FBXO28: variants seen among roughly 807,000 people sequenced by gnomAD.
The protein encoded by FBXO28 is F-box protein 28, also known as F-box only protein 28.
A neutral mutation model predicts 38.1 loss-of-function variants in FBXO28; 8 were observed. That is an observed-to-expected ratio of 0.21 (90% CI 0.12 to 0.38). The LOEUF (loss-of-function observed/expected upper bound fraction) is 0.38. Ranked by LOEUF, FBXO28 falls within the 10% of genes least tolerant of loss-of-function variation. The pLI is 1.00. For synonymous variants in FBXO28, 168 were observed against 173.8 expected, an observed-to-expected ratio of 0.97 and a Z score of 0.26; for missense variants, 345 against 460.6, an observed-to-expected ratio of 0.75 and a Z score of 2.30.
intron 1 of FBXO28, among the ~76,000 whole-genome samples, chr1:224,115,153 T>C (rs1342347987): frequency 1.3e-5 from 2 of 152,236 alleles, no homozygotes; most frequent in Non-Finnish European, 1.5e-5. Flanking sequence ...GGTTTCTTTA[T>C]ACCTTAAAAT....
intron 1 of FBXO28, among the ~76,000 whole-genome samples, chr1:224,122,249 CATT>C (rs1246009288): frequency 6.6e-6 from 1 of 152,164 alleles, no homozygotes; most frequent in African/African-American, 2.4e-5. Flanking sequence ...TTTCGTCCAT[CATT>C]AACTTTTTGC....
intron 1 of FBXO28, among the ~76,000 whole-genome samples, chr1:224,123,082 A>C: frequency 6.6e-6 from 1 of 151,298 alleles, no homozygotes; most frequent in East Asian, 1.9e-4. Context: ...TCTCACTTTA[A>C]AAAAAAAGGA....
intron 3 of FBXO28, among the ~76,000 whole-genome samples, chr1:224,135,630 A>AAAAAAAAAAAAAAAAAAAG (rs1553290016): frequency 8.6e-6 from 1 of 115,786 alleles, no homozygotes; most frequent in African/African-American, 3.3e-5. Context: ...AAAAAAAAAA[A>AAAAAAAAAAAAAAAAAAAG]AAAAAGAAAA....
rs1656681156 is a variant in FBXO28 at position 224,117,990 on chromosome 1, TTAA to T, written c.267+3596_267+3598del. 1.2e-4 allele frequency among the ~76,000 whole-genome samples: 9 copies of T among 77,400 alleles called. No homozygotes were observed. The South Asian group carries it at 3.6e-3, about 31-fold the overall frequency. 50.8% of individuals were successfully genotyped at this position (77,400 alleles called of 152,430 possible). On this transcript the variant is annotated intron_variant, in intron 1 of 4. Coordinates refer to ENST00000366862, the MANE Select transcript of FBXO28 (RefSeq NM_015176.4). ...AAAACAAGTATAGGGAGCTTTTTAATTAATTAATTAATTTATTTATTTATTTAT... is the reference window on the plus strand; with the variant it reads ...AAAACAAGTATAGGGAGCTTTTTAATTTAATTAATTTATTTATTTATTTAT...
In FBXO28 at chr1:224,157,541, A is replaced by G; in HGVS notation, c.902A>G (p.Gln301Arg). 1.2e-6 allele frequency: 2 copies of G among 1,614,294 alleles called. No homozygotes were observed. The highest frequency in any genetic ancestry group is 2.2e-5 in the East Asian group (1 of 44,892). Residue 301 changes from glutamine to arginine, a missense_variant, in exon 5 of 5, where the codon CAG becomes CGG. Gln to Arg is a conservative substitution (Grantham distance 43, BLOSUM62 1). Coordinates refer to ENST00000366862, the MANE Select transcript of FBXO28 (RefSeq NM_015176.4). Reference protein sequence around the residue: ...EQQKQLQDQDQKLLEQTQIIG... With the variant: ...EQQKQLQDQDRKLLEQTQIIG... ...CAAAAACAGCTTCAAGACCAGGACC[A>G]GAAACTGCTAGAGCAGACCCAGATC...
intron 3 of FBXO28, among the ~76,000 whole-genome samples, chr1:224,140,229 A>C (rs542152201): frequency 2.4e-4 from 36 of 152,384 alleles, no homozygotes; most frequent in South Asian, 1.0e-3. Context: ...TACAGAGAGC[A>C]AAATCAGAAA....
chr1:224,147,061 G>A (rs1657525886), intron 3 of FBXO28, among the ~76,000 whole-genome samples: 4 of 151,824 alleles, frequency 2.6e-5, no homozygotes. Flanking sequence ...CCACATTCAT[G>A]GATTCAACCA....
intron 1 of FBXO28, among the ~76,000 whole-genome samples, chr1:224,122,979 C>G (rs1656812547): frequency 6.6e-6 from 1 of 152,024 alleles, no homozygotes; most frequent in African/African-American, 2.4e-5. Context: ...TAAAATGGCA[C>G]AAATTAGAAG....
At chr1:224,153,771 A>T (rs1048489548) in intron 4 of FBXO28, among the ~76,000 whole-genome samples, 1 of 151,894 alleles carries the variant, frequency 6.6e-6, no homozygotes, top group Non-Finnish European at 1.5e-5. Context: ...AAATACAAAA[A>T]TGTGCTGGGC....
intron 1 of FBXO28, among the ~76,000 whole-genome samples, chr1:224,125,401 G>A: frequency 6.6e-6 from 1 of 151,988 alleles, no homozygotes; most frequent in Non-Finnish European, 1.5e-5. Context: ...TGTCAGTTGA[G>A]GCTCCATTTA....
intron 3 of FBXO28, among the ~76,000 whole-genome samples, chr1:224,151,119 C>T (rs1157848645): frequency 6.6e-6 from 1 of 152,152 alleles, no homozygotes; most frequent in African/African-American, 2.4e-5. Context: ...CTAAAGTGAG[C>T]TCGTAATATA....
chr1:224,130,818 G>A (rs1197290014), intron 2 of FBXO28: 5 of 393,172 alleles, frequency 1.3e-5, no homozygotes, highest in Non-Finnish European at 2.3e-5. Context: ...CATCCAAATG[G>A]GAAAAGAAGA....
chr1:224,117,365 A>G (rs1024553748), intron 1 of FBXO28, among the ~76,000 whole-genome samples: 2 of 151,730 alleles, frequency 1.3e-5, no homozygotes, highest in East Asian at 2.0e-4. Context: ...ACGGGGTTTC[A>G]CCATGTTGCC....
intron 3 of FBXO28, among the ~76,000 whole-genome samples, chr1:224,137,398 CT>C (rs1657218313): frequency 6.6e-6 from 1 of 151,580 alleles, no homozygotes; most frequent in East Asian, 1.9e-4. Context: ...TGGTGTGCAC[CT>C]GTAGTCCCAG....
chr1:224,145,857 C>T (rs528508320), intron 3 of FBXO28, among the ~76,000 whole-genome samples: 36 of 152,104 alleles, frequency 2.4e-4, no homozygotes, highest in Non-Finnish European at 4.4e-4. Context: ...CACCAGAGGT[C>T]GGGAGTTTGA....
rs150923271 is a variant in FBXO28, at chr1:224,142,227, C to T, written c.516+8015C>T. Among the ~76,000 whole-genome samples, 205 of 151,974 alleles carry T rather than the reference C, an allele frequency of 1.3e-3. 3 individuals are homozygous for T. In the East Asian group the frequency reaches 0.031, roughly 23 times the overall value. The stretch of plus-strand genomic sequence containing the variant: ...ATTAGCCAGGCGTGGTGGCGTGCAC[C>T]TGTAGTCCCAGCTACTCGGGAGGCT... On this transcript the variant is annotated intron_variant, in intron 3 of 4. Coordinates refer to ENST00000366862, the MANE Select transcript of FBXO28 (RefSeq NM_015176.4).
At position 224,137,812 on chromosome 1, in the gene FBXO28, C is replaced by A. The variant is rs561582034; in HGVS notation, c.516+3600C>A. 5.9e-5 allele frequency among the ~76,000 whole-genome samples: 9 copies of A among 151,930 alleles called. No homozygotes were observed. The South Asian group carries it at 1.9e-3, about 32-fold the overall frequency. On this transcript the variant is annotated intron_variant, in intron 3 of 4. Coordinates refer to ENST00000366862, the MANE Select transcript of FBXO28 (RefSeq NM_015176.4). ...ATCTGTAGTTAAGAATGATTCAAACCTACAGGTTACCTCTCCAATTGCAGG... is the reference window on the plus strand; with the variant it reads ...ATCTGTAGTTAAGAATGATTCAAACATACAGGTTACCTCTCCAATTGCAGG...
intron 1 of FBXO28, among the ~76,000 whole-genome samples, chr1:224,114,728 G>A (rs981309310): frequency 1.3e-5 from 2 of 150,952 alleles, no homozygotes; most frequent in African/African-American, 4.9e-5. Context: ...TAGACCCGGA[G>A]AGGTCATGTC....
rs530696164 is a variant in FBXO28, at chr1:224,121,557, A to G, written c.267+7161A>G. On this transcript the variant is annotated intron_variant, in intron 1 of 4. Transcript: ENST00000366862. ...CATGCTGGAGTGCAGTCGTGAGATCACAGCTCACTGCAGCCTCAAACTCTT... is the reference window on the plus strand; with the variant it reads ...CATGCTGGAGTGCAGTCGTGAGATCGCAGCTCACTGCAGCCTCAAACTCTT... Among the ~76,000 whole-genome samples, 60 of 152,206 alleles carry G rather than the reference A, an allele frequency of 3.9e-4. 1 individual carries two copies. Among genetic ancestry groups the G allele is most frequent in the African/African-American group, 1.4e-3 (58 of 41,518 alleles).
Sources: allele counts gnomAD v4.1 joint callset (sites outside exome capture counted in the v4.1 genomes callset), GRCh38; gene constraint gnomAD v4.1.1; transcripts MANE v1.5; gene names NCBI Gene and HGNC (gene_info 2026-07-23, HGNC 2026-07-21).